The following RNASEH2B variants were observed in gnomAD, a reference collection of about 807,000 sequenced individuals.
The protein encoded by RNASEH2B is Aicardi-Goutieres syndrome 2 protein.
Under a neutral mutation model 45.0 loss-of-function variants are expected in RNASEH2B, and 36 were observed. The observed-to-expected ratio is 0.80, with a 90% CI of 0.61 to 1.06. RNASEH2B has a LOEUF of 1.06. Ranked by LOEUF, RNASEH2B falls within the 50% of genes least tolerant of loss-of-function variation. RNASEH2B has a pLI of 0.00. For synonymous variants in RNASEH2B, 119 were observed against 125.7 expected (o/e 0.95, Z 0.35); for missense variants, 361 against 360.3 (o/e 1.00, Z -0.02).
intron 10 of RNASEH2B, chr13:50,954,369 G>A (rs1371045300): frequency 2.6e-6 from 1 of 389,758 alleles, no homozygotes; most frequent in South Asian, 4.7e-5. Context: ...CTGGCAAATG[G>A]CATTTTGGTA....
At chr13:50,940,873 G>A (rs923471386) in intron 5 of RNASEH2B, 2 of 152,248 alleles carry the variant, frequency 1.3e-5, no homozygotes, top group African/African-American at 2.4e-5. Context: ...AGGAGGTACT[G>A]AGGAAAGTGC....
intron 9 of RNASEH2B, chr13:50,952,919 A>G (rs1951995319): frequency 6.6e-6 from 1 of 152,066 alleles, no homozygotes; most frequent in African/African-American, 2.4e-5. Flanking sequence ...CTCTTGGGTT[A>G]TGGGATAAAA....
At chr13:50,948,128 A>G in intron 8 of RNASEH2B, 60 bp downstream of exon 8, 1 of 1,601,140 alleles carries the variant, frequency 6.2e-7, no homozygotes, top group Admixed American at 1.7e-5. Flanking sequence ...TTTCCCCAGC[A>G]GTGGGGTTTC....
chr13:50,929,432 G>A (rs982668471), intron 2 of RNASEH2B, 43 bp from the exon 3 acceptor site: 3 of 1,161,056 alleles, frequency 2.6e-6, no homozygotes, highest in Admixed American at 1.7e-5. Context: ...GTTTGTGTGT[G>A]TGTGTGAAAA....
chr13:50,925,653 C>T (rs1308019595), intron 1 of RNASEH2B, among the ~76,000 whole-genome samples: 2 of 152,162 alleles, frequency 1.3e-5, no homozygotes, highest in East Asian at 3.8e-4. Flanking sequence ...GGAGTAGGCA[C>T]AATTCAAGAC....
intron 9 of RNASEH2B, among the ~76,000 whole-genome samples, chr13:50,969,201 A>G (rs1952194065): frequency 6.6e-6 from 1 of 152,174 alleles, no homozygotes; most frequent in South Asian, 2.1e-4. Flanking sequence ...GGGCCTATGG[A>G]AAAAGCTGAC....
At position 50,910,148 on chromosome 13, in the gene RNASEH2B, C is replaced by CT. The variant is rs1566071251; in HGVS notation, c.64+8_64+9insT. 7 of 1,432,444 alleles carry CT rather than the reference C, an allele frequency of 4.9e-6. No individual in the cohort carries two copies. Among genetic ancestry groups the CT allele is most frequent in the Non-Finnish European group, 6.4e-6 (7 of 1,093,038 alleles). The allele number at this position is 1,432,444 out of a possible 1,614,324, so 88.7% of individuals were successfully genotyped here. ...ACGTGTTCCTGGTTTCAGGTAAACA[C>CT]GCGCGCCCGGGCGGCGGGGTCGGCC... On this transcript the variant is annotated intron_variant, in intron 1 of 10. Transcript: ENST00000336617.
chr13:50,923,372 CTG>C (rs1393070271), intron 1 of RNASEH2B, among the ~76,000 whole-genome samples: 1 of 151,976 alleles, frequency 6.6e-6, no homozygotes, highest in African/African-American at 2.4e-5. Context: ...AGATCCATAC[CTG>C]TGTGTGTGTC....
chr13:50,969,674 A>T (rs899760826), intron 9 of RNASEH2B, among the ~76,000 whole-genome samples: 4 of 152,084 alleles, frequency 2.6e-5, no homozygotes, highest in African/African-American at 9.7e-5. Flanking sequence ...CCCTTTGAAC[A>T]TTCAAAGAAA....
intron 10 of RNASEH2B, chr13:50,955,412 C>G (rs1308905013): frequency 6.6e-6 from 1 of 152,174 alleles, no homozygotes; most frequent in Non-Finnish European, 1.5e-5. Context: ...TTGTGCCCCG[C>G]CCTTCTGTGG....
intron 10 of RNASEH2B, chr13:50,954,571 G>C (rs573339610): frequency 6.5e-6 from 1 of 152,848 alleles, no homozygotes; most frequent in Admixed American, 6.5e-5. Flanking sequence ...TCACCATATG[G>C]AATGTAATTT....
Position 50,913,282 on chromosome 13 carries a change from A to G in RNASEH2B, c.64+3142A>G, listed in dbSNP as rs113300947. Among the ~76,000 whole-genome samples the G allele has an allele frequency of 1.5e-3, 229 of 152,300 alleles. 1 individual carries two copies. The highest frequency in any genetic ancestry group is 6.8e-3 in the Middle Eastern group (2 of 294). The stretch of plus-strand genomic sequence containing the variant: ...GTTTCCATCCCTCTTTTTCTGCCCT[A>G]AAAGTAAATGTTTGAGTCATATTTT... On this transcript the variant is annotated intron_variant, in intron 1 of 10. Coordinates refer to ENST00000336617, the MANE Select transcript of RNASEH2B (RefSeq NM_024570.4).
At chr13:50,960,226 A>G (rs1593484248), downstream of RNASEH2B, 1 of 694,704 alleles carries the variant, frequency 1.4e-6, no homozygotes, top group South Asian at 7.3e-5. Flanking sequence ...TTACTAAACT[A>G]TTAATGGAAA....
intron 3 of RNASEH2B, among the ~76,000 whole-genome samples, chr13:50,930,363 C>T (rs1171118476): frequency 6.6e-6 from 1 of 152,186 alleles, no homozygotes; most frequent in African/African-American, 2.4e-5. Context: ...GTGCTTCCTC[C>T]TAACCCCTCG....
intron 9 of RNASEH2B, among the ~76,000 whole-genome samples, chr13:50,964,541 T>A (rs1221320639): frequency 2.0e-5 from 3 of 152,202 alleles, no homozygotes; most frequent in African/African-American, 7.2e-5. Context: ...AACACTTGCA[T>A]TATTATCCCT....
chr13:50,943,142 G>C, intron 5 of RNASEH2B, 179 bp from the exon 6 acceptor site: 1 of 574,432 alleles, frequency 1.7e-6, no homozygotes, highest in South Asian at 2.2e-5. Flanking sequence ...TCCTGAGGTA[G>C]CCACATTACT....
chr13:50,917,494 C>A (rs368046358), intron 1 of RNASEH2B, among the ~76,000 whole-genome samples: 2 of 152,208 alleles, frequency 1.3e-5, no homozygotes, highest in East Asian at 3.8e-4. Context: ...GGAAGCCCAG[C>A]TTCTAGGCCT....
At chr13:50,924,094 G>A (rs1951558655) in intron 1 of RNASEH2B, among the ~76,000 whole-genome samples, 1 of 152,110 alleles carries the variant, frequency 6.6e-6, no homozygotes, top group Admixed American at 6.5e-5. Flanking sequence ...CTCAAAATAA[G>A]ACAGTAATAG....
chr13:50,927,195 C>G, intron 1 of RNASEH2B: 1 of 466,674 alleles, frequency 2.1e-6, no homozygotes, highest in South Asian at 2.0e-5. Flanking sequence ...TCTCATCATT[C>G]CTCATAGCAA....
Sources: allele counts gnomAD v4.1 joint callset (sites outside exome capture counted in the v4.1 genomes callset), GRCh38; gene constraint gnomAD v4.1.1; transcripts MANE v1.5; gene names NCBI Gene and HGNC (gene_info 2026-07-23, HGNC 2026-07-21).